USH2A: variants seen among roughly 807,000 people sequenced by gnomAD.
USH2A encodes usherin, also known as Usher syndrome 2A (autosomal recessive, mild).
USH2A carries 443 observed loss-of-function variants against 538.9 expected under a neutral mutation model. The observed-to-expected ratio is 0.82, with a 90% CI of 0.76 to 0.89. USH2A has a LOEUF of 0.89. USH2A is among the 40% of genes least tolerant of loss of function. USH2A has a pLI of 0.00. For missense variants in USH2A, 6,633 were observed against 6,324.8 expected (o/e 1.05, Z -1.65); for synonymous variants, 2,413 against 2,273.5 (o/e 1.06, Z -1.75).
chr1:215,965,328 T>C lies in USH2A; in HGVS notation c.7109A>G (p.Tyr2370Cys), dbSNP rs200629789. The C allele has an allele frequency of 1.2e-6, 2 of 1,613,640 alleles. No homozygotes were observed. The highest frequency in any genetic ancestry group is 1.7e-6 in the Non-Finnish European group (2 of 1,179,718). The change falls in exon 37 of 72, where the codon TAT (tyrosine) becomes TGT (cysteine). Residue 2370 changes from tyrosine to cysteine, a missense_variant. Physicochemically the swap from Tyr to Cys is radical, Grantham distance 194 (BLOSUM62 -2). Coordinates refer to ENST00000307340, the MANE Select transcript of USH2A (RefSeq NM_206933.4). ...THSVLFTGIF[Y>C]VDPVGNNYTL... ...TAAAAACAAATTACCTGGGTCTACA[T>C]AGAATATCCCAGTGAAAAGGACTGA... is the stretch of plus-strand genomic sequence containing the variant.
intron 30 of USH2A, among the ~76,000 whole-genome samples, chr1:216,062,456 T>C (rs907380919): frequency 6.6e-6 from 1 of 152,078 alleles, no homozygotes; most frequent in South Asian, 2.1e-4. Context: ...ATAAAAACAA[T>C]TATGGGACAA....
At chr1:215,726,058 G>C (rs905622567) in intron 61 of USH2A, among the ~76,000 whole-genome samples, 4 of 152,144 alleles carry the variant, frequency 2.6e-5, no homozygotes, top group African/African-American at 9.7e-5. Flanking sequence ...AAGATCAGAG[G>C]TTTAATCATT....
chr1:215,688,324 G>C lies in USH2A; in HGVS notation c.12067-7948C>G, dbSNP rs372836960. On this transcript the variant is annotated intron_variant, in intron 61 of 71. Coordinates refer to ENST00000307340, the MANE Select transcript of USH2A (RefSeq NM_206933.4). ...AAGAGAAGGTCAAAAGGATGAGCAG[G>C]AGCTAGATGGTATCAATCCTGGAGG... is the stretch of plus-strand genomic sequence containing the variant. 1.8e-4 allele frequency among the ~76,000 whole-genome samples: 27 copies of C among 152,218 alleles called. No homozygotes were observed. In the South Asian group the frequency reaches 5.6e-3, roughly 32 times the overall value.
chr1:215,756,078 A>T (rs1660786412), intron 58 of USH2A, among the ~76,000 whole-genome samples: 1 of 152,206 alleles, frequency 6.6e-6, no homozygotes, highest in Non-Finnish European at 1.5e-5. Flanking sequence ...AACAATCACC[A>T]TTGGTATCTA....
chr1:216,091,823 G>A (rs1455837065), intron 22 of USH2A, among the ~76,000 whole-genome samples: 2 of 152,082 alleles, frequency 1.3e-5, no homozygotes, highest in Non-Finnish European at 2.9e-5. Context: ...TATTTTGAAT[G>A]AATTCAGTAA....
At chr1:215,777,610 T>C (rs1661501959) in intron 55 of USH2A, among the ~76,000 whole-genome samples, 1 of 152,236 alleles carries the variant, frequency 6.6e-6, no homozygotes, top group Non-Finnish European at 1.5e-5. Context: ...GCATCCTGTA[T>C]AGAGCTCTGT....
intron 26 of USH2A, among the ~76,000 whole-genome samples, chr1:216,082,545 A>C (rs1005991894): frequency 2.0e-5 from 3 of 151,894 alleles, no homozygotes; most frequent in Admixed American, 1.3e-4. Context: ...GAAATCAAGA[A>C]TCTAAGGGTA....
intron 59 of USH2A, among the ~76,000 whole-genome samples, chr1:215,742,179 G>A (rs1660323690): frequency 6.6e-6 from 1 of 152,070 alleles, no homozygotes; most frequent in Admixed American, 6.5e-5. Context: ...AAACTGACTA[G>A]CCATTTCTGA....
intron 3 of USH2A, among the ~76,000 whole-genome samples, chr1:216,369,418 C>A (rs1040007): frequency 0.027 from 4,058 of 152,168 alleles, 203 homozygotes; most frequent in African/African-American, 0.093. Flanking sequence ...CACCAACAGC[C>A]GACCTCCAAT....
intron 47 of USH2A, among the ~76,000 whole-genome samples, chr1:215,836,732 AT>A (rs1374023630): frequency 2.1e-5 from 3 of 143,820 alleles, no homozygotes; most frequent in Non-Finnish European, 4.5e-5. Context: ...AATTTTTTGT[AT>A]TTTTAGTAGA....
chr1:215,817,137 C>T lies in USH2A; in HGVS notation c.9430G>A (p.Asp3144Asn), dbSNP rs11120645. 46,632 of 1,612,664 alleles carry T rather than the reference C, an allele frequency of 0.029. 773 individuals carry two copies. The highest frequency in any genetic ancestry group is 0.051 in the African/African-American group (3,839 of 74,940). Residue 3144 changes from aspartate (D) to asparagine (N), a missense_variant, in exon 48 of 72, where the codon GAT (aspartate) becomes AAT (asparagine). Physicochemically the swap from Asp to Asn is conservative, Grantham distance 23 (BLOSUM62 1). Coordinates refer to ENST00000307340, the MANE Select transcript of USH2A (RefSeq NM_206933.4). The part of the protein sequence containing the change: ...RKPNGIILGY[D>N]LLWKTWYPCA... ...GGATACCATGTTTTCCATAGGAGAT[C>T]ATATCCAAGAATGATGCCATTTGGC...
chr1:215,934,132 G>A (rs939384925), intron 38 of USH2A, among the ~76,000 whole-genome samples: 9 of 151,902 alleles, frequency 5.9e-5, no homozygotes, highest in African/African-American at 1.9e-4. Flanking sequence ...AGTGCAAATG[G>A]AATTTTCCTA....
chr1:215,673,350 A>C (rs1657886307), intron 63 of USH2A, among the ~76,000 whole-genome samples: 1 of 152,164 alleles, frequency 6.6e-6, no homozygotes, highest in African/African-American at 2.4e-5. Context: ...TAATTTTTTT[A>C]AGTGATTCTG....
chr1:216,175,132 G>C, intron 21 of USH2A, 120 bp downstream of exon 21: 1 of 1,528,298 alleles, frequency 6.5e-7, no homozygotes, highest in Non-Finnish European at 8.8e-7. Context: ...GCTATCAAAG[G>C]GCTGAATTAG....
chr1:216,134,666 T>A (rs550862411), intron 21 of USH2A, among the ~76,000 whole-genome samples: 2 of 152,232 alleles, frequency 1.3e-5, no homozygotes, highest in East Asian at 1.9e-4. Flanking sequence ...ATTGCACAAA[T>A]TCTGTCATGA....
At chr1:215,758,795 A>G (rs1421340931) in intron 57 of USH2A, 43 bp from the exon 58 acceptor site, 3 of 1,592,054 alleles carry the variant, frequency 1.9e-6, no homozygotes, top group Non-Finnish European at 2.6e-6. Context: ...GGCCATGCAC[A>G]AGAGACTTGA....
intron 60 of USH2A, among the ~76,000 whole-genome samples, chr1:215,739,893 A>G (rs752580898): frequency 4.6e-5 from 7 of 152,212 alleles, no homozygotes; most frequent in Non-Finnish European, 7.3e-5. Context: ...AGGACCAAAT[A>G]AGGGAAGGCC....
chr1:216,112,132 G>A (rs1471342995), intron 21 of USH2A, among the ~76,000 whole-genome samples: 1 of 151,834 alleles, frequency 6.6e-6, no homozygotes, highest in African/African-American at 2.4e-5. Flanking sequence ...GATTATACTC[G>A]ACAAAATAAC....
rs398124618 is a variant in USH2A at position 215,680,207 on chromosome 1, TTC to T, written c.12234_12235del (p.Asn4079TrpfsTer19). On this transcript the variant is annotated frameshift_variant, in exon 62 of 72. Coordinates refer to ENST00000307340, the MANE Select transcript of USH2A (RefSeq NM_206933.4). LOFTEE classifies it high-confidence loss of function. ...CCACTGTAGTAGCAATGCCCGGCCA[TTC>T]TCTTTCTGTTCTACTATAAAGTTTC... 5.6e-6 allele frequency: 9 copies of T among 1,614,052 alleles called. No homozygotes were observed. The highest frequency in any genetic ancestry group is 7.6e-6 in the Non-Finnish European group (9 of 1,180,018).
Sources: allele counts gnomAD v4.1 joint callset (sites outside exome capture counted in the v4.1 genomes callset), GRCh38; gene constraint gnomAD v4.1.1; transcripts MANE v1.5; gene names NCBI Gene and HGNC (gene_info 2026-07-23, HGNC 2026-07-21).